TXNDC16: variants seen among roughly 807,000 people sequenced by gnomAD.
The protein encoded by TXNDC16 is thioredoxin domain-containing protein 16.
Under a neutral mutation model 85.6 loss-of-function variants are expected in TXNDC16, and 74 were observed. The observed-to-expected ratio is 0.86, with a 90% CI of 0.72 to 1.05. TXNDC16 has a LOEUF of 1.05. Ranked by LOEUF, TXNDC16 falls within the 50% of genes least tolerant of loss-of-function variation. The pLI, the probability that TXNDC16 is intolerant of heterozygous loss-of-function variation, is 0.00. For synonymous variants in TXNDC16, 335 were observed against 326.5 expected (o/e 1.03, Z -0.28); for missense variants, 959 against 947.0 (o/e 1.01, Z -0.17).
Position 52,430,975 on chromosome 14 carries a change from T to C in TXNDC16, c.*1329A>G, listed in dbSNP as rs2034879132. 1 of 152,168 alleles carries C rather than the reference T, an allele frequency of 6.6e-6. No individual in the cohort carries two copies. The highest frequency in any genetic ancestry group is 1.5e-5 in the Non-Finnish European group (1 of 68,036). The allele number at this position is 152,168 out of a possible 1,614,324, so 9.4% of individuals were successfully genotyped here. ...AAAATCAGTTGTATCAGGCAAACCATATGTGAAGAAAATTTAAAGAACAAG... is the reference window on the plus strand; with the variant it reads ...AAAATCAGTTGTATCAGGCAAACCACATGTGAAGAAAATTTAAAGAACAAG... On this transcript the variant is annotated 3_prime_UTR_variant, in exon 21 of 21. Transcript: ENST00000281741.
At chr14:52,528,885 T>C in intron 6 of TXNDC16, among the ~76,000 whole-genome samples, 1 of 147,470 alleles carries the variant, frequency 6.8e-6, no homozygotes. Flanking sequence ...ATATATATTA[T>C]CTATAATACC....
rs947048667 is a variant in TXNDC16, at chr14:52,444,088, A to G, written c.1843-3364T>C. Among the ~76,000 whole-genome samples, 5 of 152,284 alleles carry G rather than the reference A, an allele frequency of 3.3e-5. No homozygotes were observed. The South Asian group carries it at 1.0e-3, about 32-fold the overall frequency. On this transcript the variant is annotated intron_variant, in intron 18 of 20. Transcript: ENST00000281741. ...GACTGAATTACAAAAGCCGGAAGAAAAGAGAATGTTGAGGAGGAATGGTAT... is the reference window on the plus strand; with the variant it reads ...GACTGAATTACAAAAGCCGGAAGAAGAGAGAATGTTGAGGAGGAATGGTAT...
intron 4 of TXNDC16, among the ~76,000 whole-genome samples, chr14:52,538,992 T>C (rs2037767421): frequency 6.6e-6 from 1 of 152,188 alleles, no homozygotes; most frequent in Admixed American, 6.5e-5. Context: ...ATAAGGATGG[T>C]TGGTATTATG....
chr14:52,440,639 G>C lies in TXNDC16; in HGVS notation c.1928C>G (p.Pro643Arg). The change falls in exon 19 of 21, where the codon CCT (proline) becomes CGT (arginine). Residue 643 changes from proline (P) to arginine (R), a missense_variant. Pro to Arg is a moderately radical substitution (Grantham distance 103, BLOSUM62 -2). Transcript: ENST00000281741. ...TGTCAATATTGCTTTTTTATACTGA[G>C]GATTTACAGTGCCATCACTGAACAA... is the stretch of plus-strand genomic sequence containing the variant. Reference protein sequence around the residue: ...LILFSDGTVNPQYKKAILTLV... With the variant: ...LILFSDGTVNRQYKKAILTLV... The C allele has an allele frequency of 2.5e-6, 4 of 1,610,234 alleles. No individual in the cohort carries two copies. The highest frequency in any genetic ancestry group is 3.4e-6 in the Non-Finnish European group (4 of 1,178,706).
intron 9 of TXNDC16, among the ~76,000 whole-genome samples, chr14:52,509,983 G>C (rs968203978): frequency 1.0e-5 from 1 of 100,048 alleles, no homozygotes; most frequent in African/African-American, 3.8e-5. Context: ...TCCGTCTCAA[G>C]AAATAAAAAA....
chr14:52,506,834 G>A (rs1413774489), intron 9 of TXNDC16, among the ~76,000 whole-genome samples: 5 of 147,990 alleles, frequency 3.4e-5, no homozygotes, highest in African/African-American at 1.3e-4. Context: ...GGGATTACAG[G>A]CGTGAGCCAC....
intron 12 of TXNDC16, 32 bp downstream of exon 12, chr14:52,488,331 A>C: frequency 6.2e-7 from 1 of 1,608,582 alleles, no homozygotes; most frequent in African/African-American, 1.3e-5. Context: ...GCTGGGCAGG[A>C]TGGGGAAGGG....
At chr14:52,488,820 C>G (rs1260754912) in intron 11 of TXNDC16, among the ~76,000 whole-genome samples, 7 of 98,780 alleles carry the variant, frequency 7.1e-5, no homozygotes, top group African/African-American at 3.0e-4. Context: ...GGCGACAAGG[C>G]GAGACTCTGG....
At chr14:52,526,180 C>T (rs2037331327) in intron 6 of TXNDC16, among the ~76,000 whole-genome samples, 1 of 152,100 alleles carries the variant, frequency 6.6e-6, no homozygotes, top group Admixed American at 6.6e-5. Context: ...TACCACTTTT[C>T]ACTTTGTATA....
chr14:52,530,059 T>TATTTATATATTATATATTTATATTATGC (rs2037464225), intron 6 of TXNDC16, among the ~76,000 whole-genome samples: 2 of 89,776 alleles, frequency 2.2e-5, no homozygotes, highest in Non-Finnish European at 3.9e-5. Flanking sequence ...TTATACATTA[T>TATTTATATATTATATATTTATATTATGC]ATTTATATAT....
At chr14:52,484,829 C>T (rs994604261) in intron 12 of TXNDC16, among the ~76,000 whole-genome samples, 5 of 151,592 alleles carry the variant, frequency 3.3e-5, no homozygotes, top group Non-Finnish European at 7.4e-5. Context: ...TGCAGTGAGC[C>T]GAGATTGCAC....
At chr14:52,484,411 A>G (rs931598071) in intron 12 of TXNDC16, among the ~76,000 whole-genome samples, 1 of 152,268 alleles carries the variant, frequency 6.6e-6, no homozygotes, top group East Asian at 1.9e-4. Flanking sequence ...CACGTACCAC[A>G]TAATGATATT....
chr14:52,527,916 A>G (rs1010455165), intron 6 of TXNDC16, among the ~76,000 whole-genome samples: 4 of 149,834 alleles, frequency 2.7e-5, no homozygotes, highest in Admixed American at 6.7e-5. Flanking sequence ...CTGCAAAATC[A>G]ATCTGAGAAA....
At chr14:52,533,317 T>C (rs2037625807) in intron 6 of TXNDC16, among the ~76,000 whole-genome samples, 1 of 152,182 alleles carries the variant, frequency 6.6e-6, no homozygotes, top group East Asian at 1.9e-4. Context: ...GTTTGTAGTT[T>C]TACTGTTACC....
intron 18 of TXNDC16, among the ~76,000 whole-genome samples, chr14:52,447,320 C>T (rs899138601): frequency 6.6e-6 from 1 of 152,148 alleles, no homozygotes; most frequent in Admixed American, 6.5e-5. Context: ...TGAGGCTCCT[C>T]TATCTGGTCC....
chr14:52,498,405 TCACACACA>T (rs140586435), intron 9 of TXNDC16, among the ~76,000 whole-genome samples: 3,419 of 146,218 alleles, frequency 0.023, 127 homozygotes, highest in African/African-American at 0.079. Context: ...ACCCTAAAGA[TCACACACA>T]CACACACACA....
At chr14:52,542,488 T>C (rs773945900) in intron 3 of TXNDC16, 35 bp from the exon 4 acceptor site, 11 of 1,476,756 alleles carry the variant, frequency 7.4e-6, no homozygotes, top group African/African-American at 5.6e-5. Context: ...TGTTTATGAA[T>C]TGCCCCTTAA....
At chr14:52,548,481 A>T (rs1017496759) in intron 1 of TXNDC16, among the ~76,000 whole-genome samples, 2 of 152,126 alleles carry the variant, frequency 1.3e-5, no homozygotes, top group Admixed American at 6.5e-5. Flanking sequence ...AGGCAGACGC[A>T]GTTTGTCAAT....
chr14:52,462,975 G>A (rs1489865039), intron 16 of TXNDC16: 8 of 455,572 alleles, frequency 1.8e-5, no homozygotes, highest in Non-Finnish European at 3.5e-5. Context: ...TCCTACCTAT[G>A]AGTGCAAGAA....
Sources: allele counts gnomAD v4.1 joint callset (sites outside exome capture counted in the v4.1 genomes callset), GRCh38; gene constraint gnomAD v4.1.1; transcripts MANE v1.5; gene names NCBI Gene and HGNC (gene_info 2026-07-23, HGNC 2026-07-21).